PDE5A: variants seen among roughly 807,000 people sequenced by gnomAD.
PDE5A encodes the protein phosphodiesterase 5A.
A neutral mutation model predicts 110.2 loss-of-function variants in PDE5A; 67 were observed. That is an observed-to-expected ratio of 0.61 (90% CI 0.50 to 0.75). PDE5A has a LOEUF of 0.75. Among genes scored for constraint, PDE5A ranks in the 30% least tolerant of loss-of-function variants. The pLI is 0.00. For missense variants in PDE5A, 862 were observed against 1,045.1 expected (o/e 0.82, Z 2.42); for synonymous variants, 328 against 351.2 (o/e 0.93, Z 0.74).
At chr4:119,528,965 A>G (rs1726427458) in intron 11 of PDE5A, among the ~76,000 whole-genome samples, 1 of 152,120 alleles carries the variant, frequency 6.6e-6, no homozygotes, top group African/African-American at 2.4e-5. Context: ...CACAGGTAGG[A>G]GGAGGGATAT....
At chr4:119,577,551 T>C (rs534464556) in intron 3 of PDE5A, among the ~76,000 whole-genome samples, 2 of 151,938 alleles carry the variant, frequency 1.3e-5, no homozygotes, top group South Asian at 4.2e-4. Flanking sequence ...TCAATAAACA[T>C]AATCCAGCAT....
chr4:119,518,258 A>G (rs536298594), intron 14 of PDE5A, among the ~76,000 whole-genome samples: 4 of 152,360 alleles, frequency 2.6e-5, no homozygotes, highest in East Asian at 1.9e-4. Flanking sequence ...TGCACTTAAA[A>G]TGTAGACCTT....
chr4:119,618,381 A>C (rs974336246), intron 1 of PDE5A, among the ~76,000 whole-genome samples: 1 of 152,108 alleles, frequency 6.6e-6, no homozygotes, highest in African/African-American at 2.4e-5. Context: ...CTTCTTCCTA[A>C]GCCCCTAATT....
chr4:119,503,178 A>G (rs1725426617), intron 18 of PDE5A, among the ~76,000 whole-genome samples: 1 of 152,172 alleles, frequency 6.6e-6, no homozygotes, highest in South Asian at 2.1e-4. Context: ...GCCTGTAGGA[A>G]GAGTTACTAG....
intron 11 of PDE5A, among the ~76,000 whole-genome samples, chr4:119,533,932 C>T (rs1726637037): frequency 6.6e-6 from 1 of 152,078 alleles, no homozygotes; most frequent in Admixed American, 6.6e-5. Context: ...TAGAACTATA[C>T]ACAGTAGTTA....
At chr4:119,521,108 A>T (rs952156900) in intron 12 of PDE5A, 48 bp from the exon 13 acceptor site, 6 of 1,577,004 alleles carry the variant, frequency 3.8e-6, no homozygotes, top group Admixed American at 3.4e-5. Context: ...CAACATCTTC[A>T]CACATTTACT....
chr4:119,505,721 T>G (rs1725526407), intron 17 of PDE5A, 134 bp downstream of exon 17: 1 of 597,564 alleles, frequency 1.7e-6, no homozygotes, highest in Non-Finnish European at 3.0e-6. Context: ...TACAACCCTC[T>G]GGAGAAATCT....
At position 119,563,873 on chromosome 4, in the gene PDE5A, A is replaced by T. The variant is rs114485051; in HGVS notation, c.994-903T>A. Among the ~76,000 whole-genome samples, 676 of 152,288 alleles carry T rather than the reference A, an allele frequency of 4.4e-3. 5 individuals carry two copies. Among genetic ancestry groups the T allele is most frequent in the African/African-American group, 0.015 (626 of 41,562 alleles). On this transcript the variant is annotated intron_variant, in intron 5 of 20. Coordinates refer to ENST00000354960, the MANE Select transcript of PDE5A (RefSeq NM_001083.4). The stretch of plus-strand genomic sequence containing the variant: ...GAACATTGCAGTTAAAGTCAATGGA[A>T]GGTCCCATATCTTATTAACACAGAT...
Position 119,519,165 on chromosome 4 carries a change from A to G in PDE5A, c.1906-26T>C, listed in dbSNP as rs904545371. 3 of 1,523,524 alleles carry G rather than the reference A, an allele frequency of 2.0e-6. No homozygotes were observed. The African/African-American group carries it at 4.1e-5, about 21-fold the overall frequency. The allele number at this position is 1,523,524 out of a possible 1,614,324, so 94.4% of individuals were successfully genotyped here. A position where few individuals can be genotyped will look rare whatever the true frequency, so the allele number is the denominator to read the frequency against. The stretch of plus-strand genomic sequence containing the variant: ...CTGCATGACCAAAGACATTGGAGGA[A>G]AGAGAGAACAAATATAATGTGGTGA... On this transcript the variant is annotated intron_variant, in intron 13 of 20. Coordinates refer to ENST00000354960, the MANE Select transcript of PDE5A (RefSeq NM_001083.4).
intron 9 of PDE5A, among the ~76,000 whole-genome samples, chr4:119,546,970 A>C (rs960709037): frequency 3.3e-5 from 5 of 151,896 alleles, no homozygotes; most frequent in African/African-American, 1.2e-4. Context: ...CTTTCAGCTA[A>C]TTCTTTTTGG....
chr4:119,500,201 A>AAGG (rs1725249895), intron 20 of PDE5A: 1 of 152,124 alleles, frequency 6.6e-6, no homozygotes, highest in African/African-American at 2.4e-5. Context: ...GCTTTGAACA[A>AAGG]AGGAGTAAAC....
In PDE5A at chr4:119,606,901, G is replaced by A. The variant is rs1278506697; in HGVS notation, c.549C>T (p.Asp183=). 1 of 1,614,234 alleles carries A rather than the reference G, an allele frequency of 6.2e-7. No homozygotes were observed. ...FLHIHGLISA[D]RYSLFLVCED... ...CACAGACAAGGAACAGGGAATAGCG[G>A]TCAGCAGATATCAGTCCATGGATAT... Residue 183 remains aspartate, a synonymous_variant, in exon 2 of 21, where the codon GAC becomes GAT. Transcript: ENST00000354960.
intron 14 of PDE5A, among the ~76,000 whole-genome samples, chr4:119,517,692 GTT>G (rs377742398): frequency 7.1e-6 from 1 of 141,840 alleles, no homozygotes; most frequent in Admixed American, 7.1e-5. Context: ...ATAGTTGAGT[GTT>G]TTTTTTTTCA....
At chr4:119,612,288 G>A (rs1163565568) in intron 1 of PDE5A, among the ~76,000 whole-genome samples, 1 of 152,066 alleles carries the variant, frequency 6.6e-6, no homozygotes, top group African/African-American at 2.4e-5. Flanking sequence ...GGATTATGGG[G>A]GCAGATCCCT....
At chr4:119,603,845 C>T (rs1239821767) in intron 2 of PDE5A, among the ~76,000 whole-genome samples, 2 of 152,134 alleles carry the variant, frequency 1.3e-5, no homozygotes, top group South Asian at 2.1e-4. Context: ...CACTGCCATA[C>T]AGTGTCATTT....
At chr4:119,614,742 G>C (rs1186593225) in intron 1 of PDE5A, among the ~76,000 whole-genome samples, 1 of 152,058 alleles carries the variant, frequency 6.6e-6, no homozygotes, top group Non-Finnish European at 1.5e-5. Flanking sequence ...CTTATAAAAG[G>C]GAGATTTACT....
chr4:119,567,342 G>A (rs1326476218), intron 3 of PDE5A, among the ~76,000 whole-genome samples, 198 bp from the exon 4 acceptor site: 4 of 152,078 alleles, frequency 2.6e-5, no homozygotes, highest in East Asian at 1.9e-4. Context: ...ATAAGAATTC[G>A]AATGTTTTTA....
At chr4:119,518,729 G>A (rs1054143853) in intron 14 of PDE5A, among the ~76,000 whole-genome samples, 1 of 152,092 alleles carries the variant, frequency 6.6e-6, no homozygotes, top group East Asian at 1.9e-4. Flanking sequence ...CTACTGTAGG[G>A]TAAAATGTTA....
chr4:119,542,634 C>T lies in PDE5A; in HGVS notation c.1397G>A (p.Gly466Glu). ...CATCTTATTAACAAGTTGGCAAACC[C>T]CTATAACAATCCGAGAAATTGAGCA... is the stretch of plus-strand genomic sequence containing the variant. ...IKNGKKNKVI[G>E]VCQLVNKMEE... Residue 466 changes from glycine (G) to glutamate (E), a missense_variant and splice_region_variant, in exon 10 of 21, where the codon GGG (glycine) becomes GAG (glutamate). Transcript: ENST00000354960. 6.2e-7 allele frequency: 1 copy of T among 1,610,556 alleles called. No individual in the cohort carries two copies. The highest frequency in any genetic ancestry group is 8.5e-7 in the Non-Finnish European group (1 of 1,177,318).
Sources: gnomAD v4.1 joint callset for allele counts (sites outside exome capture counted in the v4.1 genomes callset) on GRCh38, gnomAD v4.1.1 for gene constraint, MANE v1.5 for transcripts, NCBI Gene and HGNC (gene_info 2026-07-23, HGNC 2026-07-21) for gene names.